The following KCNH7 variants were observed in gnomAD, a reference collection of about 807,000 sequenced individuals.
KCNH7 encodes potassium voltage-gated channel subfamily H member 7.
In KCNH7, 49 loss-of-function variants were observed where a neutral mutation model predicts 120.8. That is an observed-to-expected ratio of 0.41 (90% confidence interval 0.32 to 0.51). The LOEUF (loss-of-function observed/expected upper bound fraction) is 0.51, where lower values mean the gene tolerates loss of function less well. Ranked by LOEUF, KCNH7 falls within the 20% of genes least tolerant of loss-of-function variation. The pLI, the probability that KCNH7 is intolerant of heterozygous loss-of-function variation, is 0.38. For synonymous variants in KCNH7, 547 were observed against 516.1 expected, an observed-to-expected ratio of 1.06 and a Z score of -0.81; for missense variants, 1,097 against 1,446.6, an observed-to-expected ratio of 0.76 and a Z score of 3.92.
At chr2:162,807,273 A>ACC (rs1300461137) in intron 2 of KCNH7, among the ~76,000 whole-genome samples, 1 of 51,302 alleles carries the variant, frequency 1.9e-5, no homozygotes, top group Non-Finnish European at 7.5e-5. Flanking sequence ...AAAAAAAAAA[A>ACC]AAAAAAAAAA....
At chr2:162,534,218 A>T (rs1692030441) in intron 3 of KCNH7, among the ~76,000 whole-genome samples, 1 of 151,508 alleles carries the variant, frequency 6.6e-6, no homozygotes, top group Non-Finnish European at 1.5e-5. Flanking sequence ...AAGAATGAAA[A>T]TAAATCGATG....
chr2:162,755,059 T>A (rs1465076686), intron 2 of KCNH7, among the ~76,000 whole-genome samples: 1 of 152,264 alleles, frequency 6.6e-6, no homozygotes, highest in East Asian at 1.9e-4. Flanking sequence ...CTCTGACAGT[T>A]TTTTCTCTAG....
chr2:162,522,253 C>T (rs576821975), intron 3 of KCNH7, among the ~76,000 whole-genome samples: 25 of 151,962 alleles, frequency 1.6e-4, no homozygotes, highest in Admixed American at 6.6e-4. Flanking sequence ...AAGCTTATTA[C>T]GATGCATTGA....
intron 2 of KCNH7, among the ~76,000 whole-genome samples, chr2:162,583,727 G>A (rs993302618): frequency 1.3e-5 from 2 of 152,020 alleles, no homozygotes; most frequent in African/African-American, 2.4e-5. Flanking sequence ...CAATGGAAAT[G>A]AGTAACAGTA....
At chr2:162,700,911 A>G (rs559532218) in intron 2 of KCNH7, among the ~76,000 whole-genome samples, 2 of 152,282 alleles carry the variant, frequency 1.3e-5, no homozygotes, top group East Asian at 3.9e-4. Context: ...ATAGTTAAAT[A>G]TTGGTTGCTC....
chr2:162,518,772 T>C (rs1056385494), intron 3 of KCNH7, among the ~76,000 whole-genome samples: 4 of 151,140 alleles, frequency 2.6e-5, no homozygotes, highest in African/African-American at 7.3e-5. Flanking sequence ...TAAAGAGCGA[T>C]GTACTGTACT....
chr2:162,467,486 CTT>C (rs1226877507), intron 6 of KCNH7, among the ~76,000 whole-genome samples: 1 of 152,150 alleles, frequency 6.6e-6, no homozygotes, highest in Admixed American at 6.5e-5. Flanking sequence ...TCCTCTCTCT[CTT>C]GCCTCCTCTC....
Position 162,572,216 on chromosome 2 carries a change from C to T in KCNH7, c.308-35136G>A, listed in dbSNP as rs190303030. Reference sequence around the variant, plus strand: ...AATTTACAAGAAAAAAATAAACAACCCCATCAAAAAGTGGGTGAAGGACAT... The same window carrying T: ...AATTTACAAGAAAAAAATAAACAACTCCATCAAAAAGTGGGTGAAGGACAT... On this transcript the variant is annotated intron_variant, in intron 2 of 15. Transcript: ENST00000332142. 5.7e-3 allele frequency among the ~76,000 whole-genome samples: 859 copies of T among 151,876 alleles called. 9 individuals carry two copies. The highest frequency in any genetic ancestry group is 0.02 in the African/African-American group (810 of 41,402).
intron 2 of KCNH7, among the ~76,000 whole-genome samples, chr2:162,728,042 A>G (rs947727269): frequency 5.3e-5 from 8 of 152,102 alleles, no homozygotes; most frequent in African/African-American, 1.9e-4. Flanking sequence ...CCAGGAGAGG[A>G]ATTTCTGTGT....
rs375435952 is a variant in KCNH7 at position 162,489,525 on chromosome 2, G to C, written c.1128+14918C>G. 1.1e-4 allele frequency among the ~76,000 whole-genome samples: 16 copies of C among 152,280 alleles called. No homozygotes were observed. The South Asian group carries it at 3.1e-3, about 30-fold the overall frequency. On this transcript the variant is annotated intron_variant, in intron 6 of 15. Coordinates refer to ENST00000332142, the MANE Select transcript of KCNH7 (RefSeq NM_033272.4). ...ATAATAGAATATATTTATTTGACCA[G>C]AGACGACTAGAAAACATAATCTAAG...
chr2:162,445,911 A>G, intron 7 of KCNH7, 107 bp downstream of exon 7: 1 of 815,732 alleles, frequency 1.2e-6, no homozygotes, highest in Non-Finnish European at 1.9e-6. Context: ...GAATTTTATC[A>G]GTGAGATACA....
At chr2:162,683,659 T>C (rs1685787580) in intron 2 of KCNH7, among the ~76,000 whole-genome samples, 1 of 152,018 alleles carries the variant, frequency 6.6e-6, no homozygotes, top group Admixed American at 6.6e-5. Context: ...ATCATGTTTC[T>C]CAAATTCAAT....
chr2:162,517,272 GCTTTCTGATCACT>G (rs1045067541), intron 4 of KCNH7, among the ~76,000 whole-genome samples: 3 of 151,674 alleles, frequency 2.0e-5, no homozygotes, highest in Admixed American at 2.0e-4. Flanking sequence ...TCAGCTTACA[GCTTTCTGATCACT>G]CAGTACATCA....
At chr2:162,422,210 A>C (rs1459285047) in intron 9 of KCNH7, among the ~76,000 whole-genome samples, 1 of 152,120 alleles carries the variant, frequency 6.6e-6, no homozygotes, top group Non-Finnish European at 1.5e-5. Flanking sequence ...AGCTATGATA[A>C]ACTTATCCAT....
At chr2:162,534,362 T>A (rs1460565400) in intron 3 of KCNH7, among the ~76,000 whole-genome samples, 1 of 151,312 alleles carries the variant, frequency 6.6e-6, no homozygotes, top group East Asian at 1.9e-4. Flanking sequence ...AAGCTACTGA[T>A]TAATCAACAA....
At chr2:162,421,977 T>C (rs1364252819) in intron 9 of KCNH7, among the ~76,000 whole-genome samples, 2 of 152,140 alleles carry the variant, frequency 1.3e-5, no homozygotes, top group Non-Finnish European at 2.9e-5. Context: ...GCTGATACCT[T>C]TGTTAAACAA....
intron 2 of KCNH7, among the ~76,000 whole-genome samples, chr2:162,682,824 A>G (rs1685758612): frequency 6.6e-6 from 1 of 151,800 alleles, no homozygotes; most frequent in Non-Finnish European, 1.5e-5. Flanking sequence ...CAATATCACA[A>G]CATTTATATA....
chr2:162,605,700 C>A (rs1682735407), intron 2 of KCNH7, among the ~76,000 whole-genome samples: 1 of 152,136 alleles, frequency 6.6e-6, no homozygotes. Context: ...AATTCCACAA[C>A]TATCATTTCG....
At chr2:162,664,655 A>C (rs1383681004) in intron 2 of KCNH7, among the ~76,000 whole-genome samples, 2 of 152,154 alleles carry the variant, frequency 1.3e-5, no homozygotes, top group African/African-American at 4.8e-5. Context: ...TACAATAATA[A>C]ATTGGAGTTT....
Sources: gnomAD v4.1 joint callset for allele counts (sites outside exome capture counted in the v4.1 genomes callset) on GRCh38, gnomAD v4.1.1 for gene constraint, MANE v1.5 for transcripts, NCBI Gene and HGNC (gene_info 2026-07-23, HGNC 2026-07-21) for gene names.